Variants in DOK6 observed in about 807,000 individuals in gnomAD.
The protein encoded by DOK6 is docking protein 6.
Under a neutral mutation model 44.0 loss-of-function variants are expected in DOK6, and 22 were observed. The observed-to-expected ratio is 0.50, with a 90% CI of 0.36 to 0.71. The LOEUF is 0.71. DOK6 is among the 30% of genes least tolerant of loss of function. The pLI, the probability that DOK6 is intolerant of heterozygous loss-of-function variation, is 0.00. For synonymous variants in DOK6, 166 were observed against 145.5 expected (o/e 1.14, Z -1.01); for missense variants, 340 against 416.4 (o/e 0.82, Z 1.60).
At chr18:69,727,533 T>C (rs1054852176) in intron 5 of DOK6, among the ~76,000 whole-genome samples, 1 of 152,172 alleles carries the variant, frequency 6.6e-6, no homozygotes, top group Non-Finnish European at 1.5e-5. Flanking sequence ...AATGAAGTAG[T>C]GGAAGAATTA....
intron 1 of DOK6, among the ~76,000 whole-genome samples, chr18:69,538,762 C>A (rs926509069): frequency 6.6e-6 from 1 of 152,180 alleles, no homozygotes; most frequent in Non-Finnish European, 1.5e-5. Flanking sequence ...GGTCACCTCT[C>A]TGATTGTCTT....
intron 3 of DOK6, among the ~76,000 whole-genome samples, chr18:69,655,120 G>A (rs867636791): frequency 6.6e-6 from 1 of 152,122 alleles, no homozygotes; most frequent in Admixed American, 6.6e-5. Flanking sequence ...ACCTTCTGAA[G>A]ATGAGCTTAC....
chr18:69,807,854 G>A (rs1019372899), intron 7 of DOK6, among the ~76,000 whole-genome samples: 18 of 151,628 alleles, frequency 1.2e-4, no homozygotes. Flanking sequence ...ATAAGAGACT[G>A]CAATATCTTA....
intron 1 of DOK6, among the ~76,000 whole-genome samples, chr18:69,544,694 TA>T (rs760829805): frequency 6.6e-6 from 1 of 151,430 alleles, no homozygotes; most frequent in Non-Finnish European, 1.5e-5. Context: ...ATCCATAAAA[TA>T]AAAACAAACT....
chr18:69,692,065 A>C (rs1599265961), intron 4 of DOK6, among the ~76,000 whole-genome samples: 1 of 152,194 alleles, frequency 6.6e-6, no homozygotes, highest in East Asian at 1.9e-4. Context: ...CATTATTCTT[A>C]CCCTGGAAAA....
At chr18:69,568,126 C>G (rs140348481) in intron 2 of DOK6, among the ~76,000 whole-genome samples, 1 of 152,228 alleles carries the variant, frequency 6.6e-6, no homozygotes, top group Non-Finnish European at 1.5e-5. Flanking sequence ...CTGGCTCCCC[C>G]ATGTTCAACT....
chr18:69,519,514 T>C (rs1227261885), intron 1 of DOK6, among the ~76,000 whole-genome samples: 1 of 151,924 alleles, frequency 6.6e-6, no homozygotes, highest in East Asian at 1.9e-4. Context: ...TCATAAAACA[T>C]TGAACATGAA....
At chr18:69,584,032 C>T (rs1420511597) in intron 2 of DOK6, among the ~76,000 whole-genome samples, 57 of 145,502 alleles carry the variant, frequency 3.9e-4, no homozygotes, top group African/African-American at 3.8e-4. Flanking sequence ...GGCGTGAACC[C>T]GGGAGGCGGA....
At chr18:69,674,445 A>G (rs1214700513) in intron 3 of DOK6, among the ~76,000 whole-genome samples, 3 of 152,100 alleles carry the variant, frequency 2.0e-5, no homozygotes, top group Non-Finnish European at 4.4e-5. Context: ...CTGTTACAGG[A>G]TGTCACTCTT....
chr18:69,798,195 T>C (rs1599331143), intron 7 of DOK6, among the ~76,000 whole-genome samples: 1 of 151,878 alleles, frequency 6.6e-6, no homozygotes, highest in Admixed American at 6.6e-5. Flanking sequence ...TATAAATGGG[T>C]CTAGGGATGC....
At chr18:69,623,745 A>G (rs1042772749) in intron 3 of DOK6, among the ~76,000 whole-genome samples, 9 of 152,214 alleles carry the variant, frequency 5.9e-5, no homozygotes, top group African/African-American at 2.2e-4. Context: ...AATCATTCTC[A>G]CAACACTCTT....
At chr18:69,750,740 A>C (rs542931321) in intron 6 of DOK6, among the ~76,000 whole-genome samples, 1 of 152,190 alleles carries the variant, frequency 6.6e-6, no homozygotes, top group Non-Finnish European at 1.5e-5. Context: ...TATGTACCCA[A>C]ATGATTTGAA....
At chr18:69,734,338 C>T (rs2144734010) in intron 5 of DOK6, among the ~76,000 whole-genome samples, 1 of 128,238 alleles carries the variant, frequency 7.8e-6, no homozygotes, top group East Asian at 2.5e-4. Flanking sequence ...GTCCATTTTG[C>T]CTAGAGTTTC....
intron 1 of DOK6, among the ~76,000 whole-genome samples, chr18:69,525,115 T>G (rs1981794032): frequency 1.3e-5 from 2 of 151,932 alleles, no homozygotes; most frequent in South Asian, 4.1e-4. Context: ...CTTGTACGTC[T>G]TTAAAACTAT....
At chr18:69,428,374 A>T (rs1032948587) in intron 1 of DOK6, among the ~76,000 whole-genome samples, 1 of 152,122 alleles carries the variant, frequency 6.6e-6, no homozygotes, top group African/African-American at 2.4e-5. Context: ...ATACAGATTT[A>T]GCATTTACTT....
intron 1 of DOK6, among the ~76,000 whole-genome samples, chr18:69,530,106 C>G (rs537113997): frequency 6.6e-6 from 1 of 152,050 alleles, no homozygotes; most frequent in Admixed American, 6.6e-5. Context: ...AATATTATTA[C>G]CATCTTAGAG....
intron 1 of DOK6, among the ~76,000 whole-genome samples, chr18:69,445,172 TATTCTGCCA>T (rs1292735605): frequency 2.6e-5 from 4 of 152,184 alleles, no homozygotes; most frequent in African/African-American, 9.6e-5. Flanking sequence ...GTTGATCTTG[TATTCTGCCA>T]CTTTGATAAA....
At chr18:69,446,722 T>TG (rs1979305301) in intron 1 of DOK6, among the ~76,000 whole-genome samples, 1 of 152,190 alleles carries the variant, frequency 6.6e-6, no homozygotes, top group South Asian at 2.1e-4. Context: ...GCACCTGTTG[T>TG]TTCCTGACTT....
chr18:69,677,778 C>T lies in DOK6; in HGVS notation c.334C>T (p.Leu112=). 1 of 1,613,750 alleles carries T rather than the reference C, an allele frequency of 6.2e-7. No homozygotes were observed. The highest frequency in any genetic ancestry group is 2.2e-5 in the East Asian group (1 of 44,872). ...EWCKHLCMEC[L]GTRLNDISLG... is the part of the protein sequence containing the mutation. The stretch of plus-strand genomic sequence containing the variant: ...GTGCAAGCACCTCTGCATGGAGTGT[C>T]TGGGGACCAGGCTCAATGATATCAG... Residue 112 remains leucine (L), a synonymous_variant, in exon 4 of 8, where the codon CTG becomes TTG. Transcript: ENST00000382713.
Sources: allele counts gnomAD v4.1 joint callset (sites outside exome capture counted in the v4.1 genomes callset), GRCh38; gene constraint gnomAD v4.1.1; transcripts MANE v1.5; gene names NCBI Gene and HGNC (gene_info 2026-07-23, HGNC 2026-07-21).